Variants in SEMA4D observed in about 807,000 individuals in gnomAD.
SEMA4D encodes semaphorin-4D.
In SEMA4D, 22 loss-of-function variants were observed where a neutral mutation model predicts 74.8. The ratio of observed to expected loss-of-function variants is 0.29; its 90% CI spans 0.21 to 0.42. The LOEUF is 0.42. Among genes scored for constraint, SEMA4D ranks in the 10% least tolerant of loss-of-function variants. SEMA4D has a pLI of 1.00. For missense variants in SEMA4D, 937 were observed against 1,118.4 expected, an observed-to-expected ratio of 0.84 and a Z score of 2.31; for synonymous variants, 445 against 463.7, an observed-to-expected ratio of 0.96 and a Z score of 0.52.
chr9:89,404,751 C>T (rs534630854), intron 3 of SEMA4D, among the ~76,000 whole-genome samples: 95 of 149,904 alleles, frequency 6.3e-4, no homozygotes, highest in African/African-American at 2.1e-3. Flanking sequence ...TTCTCAGCCA[C>T]CCACCTCAGC....
intron 2 of SEMA4D, among the ~76,000 whole-genome samples, chr9:89,437,898 G>A (rs1339486821): frequency 6.6e-6 from 1 of 152,218 alleles, no homozygotes; most frequent in African/African-American, 2.4e-5. Context: ...TCCTTAAATT[G>A]AGCAACTCAG....
chr9:89,368,349 G>C (rs941990975), intron 16 of SEMA4D: 1 of 152,970 alleles, frequency 6.5e-6, no homozygotes, highest in South Asian at 2.1e-4. Flanking sequence ...GCCTGTACCC[G>C]CTGCCCGGGC....
chr9:89,449,943 G>A (rs1366174499), intron 2 of SEMA4D: 2 of 1,503,860 alleles, frequency 1.3e-6, no homozygotes, highest in African/African-American at 2.8e-5. Flanking sequence ...TCTGACTGAT[G>A]TAGCTCAGGG....
exon 18 of SEMA4D, chr9:89,363,463 G>A (rs141215849): frequency 1.5e-4 from 244 of 1,613,866 alleles, no homozygotes; most frequent in Non-Finnish European, 1.9e-4. Flanking sequence ...TCATCCGGTC[G>A]TGCTCCCCAG....
At chr9:89,442,607 G>C (rs1210615705) in intron 2 of SEMA4D, among the ~76,000 whole-genome samples, 4 of 152,116 alleles carry the variant, frequency 2.6e-5, no homozygotes, top group African/African-American at 9.7e-5. Flanking sequence ...CAGAGTTCAA[G>C]GTAAAAATGG....
chr9:89,386,357 G>A lies in SEMA4D; in HGVS notation c.1446+10C>T, dbSNP rs200468541. The A allele has an allele frequency of 1.7e-4, 269 of 1,597,818 alleles. No homozygotes were observed. In the African/African-American group the frequency reaches 2.0e-3, roughly 12 times the overall value. On this transcript the variant is annotated intron_variant, in intron 13 of 15. Transcript: ENST00000422704. ...AGAAGCCCCCGGTCCAGCTGCCTGCGTCACTTTACCTTCTTTGAAGACAGC... is the reference window on the plus strand; with the variant it reads ...AGAAGCCCCCGGTCCAGCTGCCTGCATCACTTTACCTTCTTTGAAGACAGC...
chr9:89,467,425 T>C (rs1859016388), intron 1 of SEMA4D, among the ~76,000 whole-genome samples: 1 of 150,934 alleles, frequency 6.6e-6, no homozygotes, highest in Non-Finnish European at 1.5e-5. Context: ...GGTGGAGGAG[T>C]TGATTTCATT....
chr9:89,419,111 C>T (rs1045974397), intron 2 of SEMA4D, among the ~76,000 whole-genome samples: 2 of 152,006 alleles, frequency 1.3e-5, no homozygotes, highest in Non-Finnish European at 2.9e-5. Flanking sequence ...CCCCACCCCT[C>T]GGGGCCGACA....
intron 1 of SEMA4D, among the ~76,000 whole-genome samples, chr9:89,470,037 A>G (rs1859781652): frequency 1.3e-5 from 2 of 152,250 alleles, no homozygotes; most frequent in African/African-American, 4.8e-5. Flanking sequence ...AGCTCTTAGA[A>G]TAAGTGAGGT....
intron 1 of SEMA4D, among the ~76,000 whole-genome samples, chr9:89,482,009 C>T (rs1300269455): frequency 6.6e-6 from 1 of 152,238 alleles, no homozygotes; most frequent in Admixed American, 6.5e-5. Flanking sequence ...ATGACCTTCC[C>T]TTGACTCCAA....
intron 2 of SEMA4D, among the ~76,000 whole-genome samples, chr9:89,441,320 G>A (rs1851622094): frequency 6.6e-6 from 1 of 152,258 alleles, no homozygotes; most frequent in Non-Finnish European, 1.5e-5. Context: ...CCACAGCTTC[G>A]CGTGGTGGAC....
chr9:89,369,655 G>A (rs903875390), intron 16 of SEMA4D: 1 of 152,262 alleles, frequency 6.6e-6, no homozygotes, highest in African/African-American at 2.4e-5. Context: ...CACACGGGTG[G>A]TGGGGTTATT....
Position 89,415,670 on chromosome 9 carries a change from G to C in SEMA4D, c.-243-9971C>G, listed in dbSNP as rs370496060. On this transcript the variant is annotated intron_variant, in intron 2 of 15. Transcript: ENST00000422704. The stretch of plus-strand genomic sequence containing the variant: ...TTCACCAGACACCAAATCTGCCAGC[G>C]CCTTGATCTTCGACTTCCCAGCCTC... Among the ~76,000 whole-genome samples, 5 of 152,158 alleles carry C rather than the reference G, an allele frequency of 3.3e-5. No individual in the cohort carries two copies. The East Asian group carries it at 9.6e-4, about 29-fold the overall frequency.
intron 5 of SEMA4D, 80 bp downstream of exon 5, chr9:89,399,196 A>G: frequency 8.1e-7 from 1 of 1,230,738 alleles, no homozygotes; most frequent in South Asian, 1.2e-5. Context: ...CCTGCACTGC[A>G]GGCATGCTGG....
intron 1 of SEMA4D, among the ~76,000 whole-genome samples, chr9:89,465,511 T>C (rs988782266): frequency 1.3e-5 from 2 of 152,176 alleles, no homozygotes; most frequent in Non-Finnish European, 2.9e-5. Context: ...TTAGGGGGCT[T>C]CCTTTTGGGG....
chr9:89,465,235 C>G, intron 1 of SEMA4D, among the ~76,000 whole-genome samples: 1 of 152,102 alleles, frequency 6.6e-6, no homozygotes, highest in East Asian at 1.9e-4. Context: ...CGGTGCATCC[C>G]GCGGAGAACA....
chr9:89,396,631 T>C, intron 6 of SEMA4D, 106 bp downstream of exon 6: 1 of 974,366 alleles, frequency 1.0e-6, no homozygotes, highest in Non-Finnish European at 1.5e-6. Context: ...GAGAAAATCC[T>C]ATTTTTTTTT....
intron 2 of SEMA4D, among the ~76,000 whole-genome samples, chr9:89,439,449 A>G (rs1851223558): frequency 6.6e-6 from 1 of 152,242 alleles, no homozygotes. Context: ...TAAACTGTCC[A>G]GGAAAGTAAT....
intron 9 of SEMA4D, among the ~76,000 whole-genome samples, chr9:89,391,018 G>A (rs1477116841): frequency 6.6e-6 from 1 of 152,236 alleles, no homozygotes; most frequent in Non-Finnish European, 1.5e-5. Flanking sequence ...CTAGAGGTTT[G>A]AAGAGGGTGC....
Sources: allele counts gnomAD v4.1 joint callset (sites outside exome capture counted in the v4.1 genomes callset), GRCh38; gene constraint gnomAD v4.1.1; transcripts MANE v1.5; gene names NCBI Gene and HGNC (gene_info 2026-07-23, HGNC 2026-07-21).